EMP1: variants seen among roughly 807,000 people sequenced by gnomAD.
The protein encoded by EMP1 is tumor-associated membrane protein.
A neutral mutation model predicts 15.7 loss-of-function variants in EMP1; 5 were observed. The observed-to-expected ratio is 0.32, with a 90% CI of 0.17 to 0.67. The LOEUF (loss-of-function observed/expected upper bound fraction) is 0.67. Ranked by LOEUF, EMP1 falls within the 30% of genes least tolerant of loss-of-function variation. The probability of loss-of-function intolerance (pLI) is 0.74; values close to 1 mark genes in which losing one functional copy is unlikely to be tolerated. For missense variants in EMP1, 166 were observed against 194.2 expected (o/e 0.85, Z 0.86); for synonymous variants, 78 against 76.7 (o/e 1.02, Z -0.09).
rs1425308477 is a variant in EMP1, at chr12:13,217,951, C to T, written c.*3260C>T. On this transcript the variant is annotated 3_prime_UTR_variant, in exon 5 of 5. Transcript: ENST00000256951. ...TGCGGGTCTGAAAGTTGCCAGAGTC[C>T]CTTTTATAGAGAAGCTTAAAAAATA... 1.3e-5 allele frequency: 2 copies of T among 152,030 alleles called. No individual in the cohort carries two copies. The highest frequency in any genetic ancestry group is 2.9e-5 in the Non-Finnish European group (2 of 68,022). The allele number at this position is 152,030 out of a possible 1,614,324, so 9.4% of individuals were successfully genotyped here. A position where few individuals can be genotyped will look rare whatever the true frequency, so the allele number is the denominator to read the frequency against.
chr12:13,212,627 C>G (rs192584279), intron 2 of EMP1, among the ~76,000 whole-genome samples: 2 of 152,204 alleles, frequency 1.3e-5, no homozygotes, highest in African/African-American at 4.8e-5. Flanking sequence ...AGCGCCAAAG[C>G]GCTGCGTATC....
chr12:13,198,945 T>TC (rs1565576496), intron 1 of EMP1, among the ~76,000 whole-genome samples: 9 of 139,412 alleles, frequency 6.5e-5, no homozygotes, highest in East Asian at 2.2e-4. Flanking sequence ...AGGGTTATTT[T>TC]TCCCCCCCAC....
chr12:13,214,306 T>G lies in EMP1; in HGVS notation c.317-228T>G, dbSNP rs1038139199. The stretch of plus-strand genomic sequence containing the variant: ...AGGTTCTGTGTTTTACATCACAGCG[T>G]GGCCACACAAACCAGTGCAGACATG... On this transcript the variant is annotated intron_variant, in intron 4 of 4. Transcript: ENST00000256951. 3 of 626,852 alleles carry G rather than the reference T, an allele frequency of 4.8e-6. No individual in the cohort carries two copies. In the Admixed American group the frequency reaches 8.9e-5, roughly 19 times the overall value. The allele number at this position is 626,852 out of a possible 1,614,324, so 38.8% of individuals were successfully genotyped here.
At position 13,216,927 on chromosome 12, in the gene EMP1, C is replaced by T. The variant is rs1177860190; in HGVS notation, c.*2236C>T. ...TCTGGTAATATATTAGGCATTTCTG[C>T]AATAGCTCTTTCAGGTAACTGAATA... On this transcript the variant is annotated 3_prime_UTR_variant, in exon 5 of 5. Transcript: ENST00000256951. 2.6e-5 allele frequency: 4 copies of T among 154,908 alleles called. No homozygotes were observed. The highest frequency in any genetic ancestry group is 5.7e-5 in the Non-Finnish European group (4 of 69,698). The allele number at this position is 154,908 out of a possible 1,614,324, so 9.6% of individuals were successfully genotyped here. A position where few individuals can be genotyped will look rare whatever the true frequency, so the allele number is the denominator to read the frequency against.
chr12:13,214,659 G>A lies in EMP1; in HGVS notation c.442G>A (p.Gly148Ser), dbSNP rs775343780. 9.9e-6 allele frequency: 16 copies of A among 1,613,578 alleles called. No homozygotes were observed. The highest frequency in any genetic ancestry group is 5.5e-5 in the South Asian group (5 of 91,028). ...CTGCTTCTGCTTCAGCTTCATCATC[G>A]GCGTTCTCTATCTGGTCCTGAGAAA... ...WICFCFSFII[G>S]VLYLVLRKK The change falls in exon 5 of 5, where the codon GGC becomes AGC. Residue 148 changes from glycine (G) to serine (S), a missense_variant. By Grantham distance (56) the Gly-to-Ser change is moderately conservative. Transcript: ENST00000256951.
At chr12:13,207,940 T>C (rs1205155323) in intron 1 of EMP1, among the ~76,000 whole-genome samples, 1 of 152,224 alleles carries the variant, frequency 6.6e-6, no homozygotes, top group Non-Finnish European at 1.5e-5. Context: ...GTGCACCAAA[T>C]GCTCTGCAAA....
At chr12:13,208,372 C>T (rs1430777130) in intron 1 of EMP1, among the ~76,000 whole-genome samples, 1 of 152,104 alleles carries the variant, frequency 6.6e-6, no homozygotes, top group African/African-American at 2.4e-5. Context: ...TCATAAAGAC[C>T]TCAGTGATCG....
Position 13,214,706 on chromosome 12 carries a change from A to G in EMP1, c.*15A>G. 6.5e-7 allele frequency: 1 copy of G among 1,545,262 alleles called. No individual in the cohort carries two copies. The highest frequency in any genetic ancestry group is 8.8e-7 in the Non-Finnish European group (1 of 1,139,176). ...GAAAGAAATAAGGCCGGACGAGTTCATGGGGATCTGGGGGGTGGGGAGGAG... is the reference window on the plus strand; with the variant it reads ...GAAAGAAATAAGGCCGGACGAGTTCGTGGGGATCTGGGGGGTGGGGAGGAG... On this transcript the variant is annotated 3_prime_UTR_variant, in exon 5 of 5. Transcript: ENST00000256951.
rs1864217442 is a variant in EMP1 at position 13,216,534 on chromosome 12, G to C, written c.*1843G>C. The C allele has an allele frequency of 1.5e-6, 1 of 686,268 alleles. No homozygotes were observed. The highest frequency in any genetic ancestry group is 1.8e-5 in the African/African-American group (1 of 56,604). 42.5% of individuals were successfully genotyped at this position (686,268 alleles called of 1,614,324 possible). A position where few individuals can be genotyped will look rare whatever the true frequency, so the allele number is the denominator to read the frequency against. Reference sequence around the variant, plus strand: ...TACTTACATTTCAGACATATCCAAAGGGAATACTCACATTTTGTTAAGAAG... The same window carrying C: ...TACTTACATTTCAGACATATCCAAACGGAATACTCACATTTTGTTAAGAAG... On this transcript the variant is annotated 3_prime_UTR_variant, in exon 5 of 5. Coordinates refer to ENST00000256951, the MANE Select transcript of EMP1 (RefSeq NM_001423.3).
intron 1 of EMP1, among the ~76,000 whole-genome samples, chr12:13,198,833 C>T (rs567858233): frequency 7.2e-5 from 11 of 152,278 alleles, no homozygotes; most frequent in South Asian, 6.2e-4. Context: ...AGAAAAATAC[C>T]GTTCTGATTC....
chr12:13,206,568 CTATTGTGTTGCTCCCAGT>C (rs1864112080), intron 1 of EMP1, among the ~76,000 whole-genome samples: 1 of 152,186 alleles, frequency 6.6e-6, no homozygotes, highest in South Asian at 2.1e-4. Context: ...TTGCTCTATT[CTATTGTGTTGCTCCCAGT>C]TATTGTGTTT....
At chr12:13,198,175 C>T (rs1864031112) in intron 1 of EMP1, among the ~76,000 whole-genome samples, 1 of 152,326 alleles carries the variant, frequency 6.6e-6, no homozygotes, top group South Asian at 2.1e-4. Flanking sequence ...TATCTTTTCT[C>T]TTGTTCCCGA....
In EMP1 at chr12:13,209,854, C is replaced by A. The variant is rs540478707; in HGVS notation, c.-42-1615C>A. Among the ~76,000 whole-genome samples the A allele has an allele frequency of 2.0e-5, 3 of 152,220 alleles. No homozygotes were observed. In the South Asian group the frequency reaches 6.2e-4, roughly 32 times the overall value. On this transcript the variant is annotated intron_variant, in intron 1 of 4. Transcript: ENST00000256951. ...GAATGTGTGGGGGGATTACTAATAG[C>A]AGACATGAAAGCTCCAACCTCTCCC...
In EMP1 at chr12:13,216,588, T is replaced by C; in HGVS notation, c.*1897T>C. 1 of 620,652 alleles carries C rather than the reference T, an allele frequency of 1.6e-6. No homozygotes were observed. The highest frequency in any genetic ancestry group is 2.9e-6 in the Non-Finnish European group (1 of 349,788). 38.4% of individuals were successfully genotyped at this position (620,652 alleles called of 1,614,324 possible). Reference sequence around the variant, plus strand: ...AACTATGACTGGAGTAAACCATGTATTCCCTTATCTTTTACTTTTTTTCTG... The same window carrying C: ...AACTATGACTGGAGTAAACCATGTACTCCCTTATCTTTTACTTTTTTTCTG... On this transcript the variant is annotated 3_prime_UTR_variant, in exon 5 of 5. Transcript: ENST00000256951.
chr12:13,210,475 A>T (rs965682876), intron 1 of EMP1, among the ~76,000 whole-genome samples: 1 of 152,218 alleles, frequency 6.6e-6, no homozygotes, highest in Non-Finnish European at 1.5e-5. Context: ...CCTAGGCTTT[A>T]TGATCAATGG....
At chr12:13,200,866 C>G (rs968758762) in intron 1 of EMP1, among the ~76,000 whole-genome samples, 6 of 152,186 alleles carry the variant, frequency 3.9e-5, no homozygotes, top group African/African-American at 1.4e-4. Flanking sequence ...CTTGGACTTA[C>G]GTGGCTGTGA....
intron 2 of EMP1, among the ~76,000 whole-genome samples, chr12:13,212,279 T>G (rs1157607083): frequency 6.6e-6 from 1 of 152,288 alleles, no homozygotes; most frequent in African/African-American, 2.4e-5. Context: ...TAGTGGTGGC[T>G]TACAGCGCCC....
chr12:13,217,854 ACT>A lies in EMP1; in HGVS notation c.*3165_*3166del, dbSNP rs1384533165. 4 of 152,240 alleles carry A rather than the reference ACT, an allele frequency of 2.6e-5. No individual in the cohort carries two copies. The highest frequency in any genetic ancestry group is 7.2e-5 in the African/African-American group (3 of 41,546). 9.4% of individuals were successfully genotyped at this position (152,240 alleles called of 1,614,324 possible). ...AAAATATATTTATTTTAAGGAATTG[ACT>A]CACATGATTTTGAAGGCAGGCAAGC... is the stretch of plus-strand genomic sequence containing the variant. On this transcript the variant is annotated 3_prime_UTR_variant, in exon 5 of 5. Coordinates refer to ENST00000256951, the MANE Select transcript of EMP1 (RefSeq NM_001423.3).
Position 13,214,573 on chromosome 12 carries a change from A to G in EMP1, c.356A>G (p.His119Arg), listed in dbSNP as rs775466141. 22 of 1,614,048 alleles carry G rather than the reference A, an allele frequency of 1.4e-5. No homozygotes were observed. The Admixed American group carries it at 3.2e-4, about 23-fold the overall frequency. The change falls in exon 5 of 5, where the codon CAT (histidine) becomes CGT (arginine). Residue 119 changes from histidine (H) to arginine (R), a missense_variant. Coordinates refer to ENST00000256951, the MANE Select transcript of EMP1 (RefSeq NM_001423.3). ...ILVGVSIYTS[H>R]YANRDGTQYH... Reference sequence around the variant, plus strand: ...GTGGGGGTGTCCATCTACACTAGTCATTATGCGAATCGTGATGGAACGCAG... The same window carrying G: ...GTGGGGGTGTCCATCTACACTAGTCGTTATGCGAATCGTGATGGAACGCAG...
Sources: gnomAD v4.1 joint callset for allele counts (sites outside exome capture counted in the v4.1 genomes callset) on GRCh38, gnomAD v4.1.1 for gene constraint, MANE v1.5 for transcripts, NCBI Gene and HGNC (gene_info 2026-07-23, HGNC 2026-07-21) for gene names.